The following LRRC49 variants were observed in gnomAD, a reference collection of about 807,000 sequenced individuals.
LRRC49 encodes leucine rich repeat containing 49, also known as leucine-rich repeat-containing protein 49.
In LRRC49, 50 loss-of-function variants were observed where a neutral mutation model predicts 83.3. The ratio of observed to expected loss-of-function variants is 0.60; its 90% confidence interval spans 0.48 to 0.76. LRRC49 has a LOEUF of 0.76. Among genes scored for constraint, LRRC49 ranks in the 30% least tolerant of loss-of-function variants. LRRC49 has a pLI of 0.00. For missense variants in LRRC49, 704 were observed against 809.1 expected, an observed-to-expected ratio of 0.87 and a Z score of 1.58; for synonymous variants, 286 against 283.3, an observed-to-expected ratio of 1.01 and a Z score of -0.10.
rs796134754 is a variant in LRRC49 at position 71,051,586 on chromosome 15, T to C, written c.*1974T>C. The C allele has an allele frequency of 3.3e-5, 5 of 152,412 alleles. No individual in the cohort carries two copies. Among genetic ancestry groups the C allele is most frequent in the South Asian group, 2.1e-4 (1 of 4,828 alleles). The allele number at this position is 152,412 out of a possible 1,614,324, so 9.4% of individuals were successfully genotyped here. A position where few individuals can be genotyped will look rare whatever the true frequency, so the allele number is the denominator to read the frequency against. Reference sequence around the variant, plus strand: ...AAAGATGTAAGAACTTGTGACTCTTTGGGAGTCTGGGTAACTGTTCCCACT... The same window carrying C: ...AAAGATGTAAGAACTTGTGACTCTTCGGGAGTCTGGGTAACTGTTCCCACT... On this transcript the variant is annotated 3_prime_UTR_variant, in exon 16 of 16. Coordinates refer to ENST00000260382, the MANE Select transcript of LRRC49 (RefSeq NM_017691.5).
chr15:70,854,623 A>G (rs1172300426), intron 1 of LRRC49, among the ~76,000 whole-genome samples: 3 of 152,144 alleles, frequency 2.0e-5, no homozygotes, highest in African/African-American at 7.2e-5. Context: ...TCCTTGACAT[A>G]ATAACCACCC....
Position 71,046,473 on chromosome 15 carries a change from A to G in LRRC49, c.1858-2936A>G, listed in dbSNP as rs148605208. 4.3e-4 allele frequency among the ~76,000 whole-genome samples: 65 copies of G among 152,298 alleles called. No homozygotes were observed. The East Asian group carries it at 0.012, about 28-fold the overall frequency. ...GATTAGTGATGCTGAGCACTATTTC[A>G]TATCCTTGTTGGCCACTTGTATGTC... On this transcript the variant is annotated intron_variant, in intron 15 of 15. Coordinates refer to ENST00000260382, the MANE Select transcript of LRRC49 (RefSeq NM_017691.5).
intron 6 of LRRC49, among the ~76,000 whole-genome samples, chr15:70,915,209 A>G (rs1005492650): frequency 6.6e-6 from 1 of 152,190 alleles, no homozygotes; most frequent in African/African-American, 2.4e-5. Flanking sequence ...TTGGGTTGCA[A>G]ACCAAGAAGC....
chr15:70,913,582 C>G (rs2034638181), intron 6 of LRRC49, among the ~76,000 whole-genome samples: 2 of 152,194 alleles, frequency 1.3e-5, no homozygotes, highest in South Asian at 4.2e-4. Flanking sequence ...GTATTTACCA[C>G]CAGAGAACAG....
At chr15:70,931,030 T>C (rs1196638599) in intron 7 of LRRC49, among the ~76,000 whole-genome samples, 1 of 152,224 alleles carries the variant, frequency 6.6e-6, no homozygotes, top group African/African-American at 2.4e-5. Context: ...TCCAAGAACT[T>C]TTCCTTTGCA....
chr15:70,858,950 G>T, intron 1 of LRRC49: 3 of 811,496 alleles, frequency 3.7e-6, no homozygotes, highest in Non-Finnish European at 6.6e-6. Flanking sequence ...TTAACCTGGA[G>T]GTGGACCCCA....
At chr15:71,013,479 A>G (rs552766223) in intron 14 of LRRC49, among the ~76,000 whole-genome samples, 3 of 152,354 alleles carry the variant, frequency 2.0e-5, no homozygotes, top group East Asian at 3.9e-4. Flanking sequence ...TTGGATTTAC[A>G]TTGTAGAAAG....
intron 1 of LRRC49, among the ~76,000 whole-genome samples, chr15:70,867,089 C>T (rs2032930528): frequency 6.6e-6 from 1 of 150,766 alleles, no homozygotes; most frequent in African/African-American, 2.4e-5. Flanking sequence ...TATCAAGGTC[C>T]AAGCAGAAGA....
At chr15:70,887,314 A>T (rs2033436073) in intron 2 of LRRC49, among the ~76,000 whole-genome samples, 1 of 152,160 alleles carries the variant, frequency 6.6e-6, no homozygotes, top group South Asian at 2.1e-4. Context: ...ATTCCAAGAA[A>T]GAAAAAAACT....
At chr15:70,888,535 T>C (rs1022591188), upstream of LRRC49, among the ~76,000 whole-genome samples, 1 of 152,066 alleles carries the variant, frequency 6.6e-6, no homozygotes, top group Admixed American at 6.6e-5. Flanking sequence ...GATCTAAATA[T>C]AAAAAGTAAA....
At chr15:70,963,062 C>G (rs1021987540) in intron 8 of LRRC49, among the ~76,000 whole-genome samples, 6 of 151,504 alleles carry the variant, frequency 4.0e-5, no homozygotes, top group Non-Finnish European at 7.4e-5. Flanking sequence ...AACAGGAGTT[C>G]GAGACCAGCT....
intron 1 of LRRC49, among the ~76,000 whole-genome samples, chr15:70,871,373 A>C (rs563656883): frequency 1.3e-5 from 2 of 152,142 alleles, no homozygotes; most frequent in East Asian, 3.9e-4. Flanking sequence ...ACACAGCAAC[A>C]ATCTGATCTC....
intron 2 of LRRC49, among the ~76,000 whole-genome samples, chr15:70,879,056 A>C (rs1272399207): frequency 6.6e-6 from 1 of 152,222 alleles, no homozygotes; most frequent in Non-Finnish European, 1.5e-5. Flanking sequence ...TTGAAAGTAA[A>C]GTCGTCTGGG....
intron 1 of LRRC49, among the ~76,000 whole-genome samples, chr15:70,864,278 C>T (rs1285286722): frequency 6.6e-6 from 1 of 152,146 alleles, no homozygotes; most frequent in African/African-American, 2.4e-5. Context: ...TTTGTCATCA[C>T]TTTTACAGCA....
chr15:71,007,569 C>G (rs976972521), intron 11 of LRRC49, among the ~76,000 whole-genome samples: 1 of 151,672 alleles, frequency 6.6e-6, no homozygotes, highest in African/African-American at 2.4e-5. Context: ...AGTTATGTCT[C>G]TATTCACAAA....
At position 70,942,894 on chromosome 15, in the gene LRRC49, A is replaced by G. The variant is rs569574891; in HGVS notation, c.773+6072A>G. Among the ~76,000 whole-genome samples, 9 of 152,366 alleles carry G rather than the reference A, an allele frequency of 5.9e-5. 1 individual carries two copies. In the South Asian group the frequency reaches 1.9e-3, roughly 32 times the overall value. ...AGATAGCCCTCTGTCAGAAGCAAAAATATCTACGTGATTGTATAGATTTTA... is the reference window on the plus strand; with the variant it reads ...AGATAGCCCTCTGTCAGAAGCAAAAGTATCTACGTGATTGTATAGATTTTA... On this transcript the variant is annotated intron_variant, in intron 8 of 15. Coordinates refer to ENST00000260382, the MANE Select transcript of LRRC49 (RefSeq NM_017691.5).
intron 4 of LRRC49, among the ~76,000 whole-genome samples, chr15:70,901,269 T>C (rs1455968366): frequency 6.6e-6 from 1 of 152,138 alleles, no homozygotes; most frequent in African/African-American, 2.4e-5. Flanking sequence ...AATTCTAAAA[T>C]ATGACATTGA....
chr15:70,865,034 C>T (rs1315720702), intron 1 of LRRC49, among the ~76,000 whole-genome samples: 3 of 152,154 alleles, frequency 2.0e-5, no homozygotes, highest in Non-Finnish European at 4.4e-5. Context: ...TTTTCTCCTG[C>T]TTCCATTCTG....
At chr15:70,971,303 T>A (rs893471689) in intron 9 of LRRC49, among the ~76,000 whole-genome samples, 3 of 152,216 alleles carry the variant, frequency 2.0e-5, no homozygotes, top group African/African-American at 7.2e-5. Context: ...AGTGTGTTTC[T>A]TAATCCTGAG....
Sources: gnomAD v4.1 joint callset for allele counts (sites outside exome capture counted in the v4.1 genomes callset) on GRCh38, gnomAD v4.1.1 for gene constraint, MANE v1.5 for transcripts, NCBI Gene and HGNC (gene_info 2026-07-23, HGNC 2026-07-21) for gene names.